The following HERC2 variants were observed in gnomAD, a reference collection of about 807,000 sequenced individuals.
The protein encoded by HERC2 is HECT and RLD domain containing E3 ubiquitin protein ligase 2.
Under a neutral mutation model 537.7 loss-of-function variants are expected in HERC2, and 102 were observed. The observed-to-expected ratio is 0.19, with a 90% CI of 0.16 to 0.22. The LOEUF (loss-of-function observed/expected upper bound fraction) is 0.22. Among genes scored for constraint, HERC2 ranks in the 10% least tolerant of loss-of-function variants. HERC2 has a pLI of 1.00. For synonymous variants in HERC2, 2,224 were observed against 2,466.2 expected (o/e 0.90, Z 2.91); for missense variants, 4,236 against 6,198.2 (o/e 0.68, Z 10.63).
intron 43 of HERC2, among the ~76,000 whole-genome samples, chr15:28,211,453 C>A (rs1221649893): frequency 6.6e-6 from 1 of 151,992 alleles, no homozygotes; most frequent in Non-Finnish European, 1.5e-5. Flanking sequence ...AAATGTTCCC[C>A]AAGTTGCTGA....
At chr15:28,190,180 T>TC (rs1896716826) in intron 55 of HERC2, 1 of 147,620 alleles carries the variant, frequency 6.8e-6, no homozygotes, top group African/African-American at 2.5e-5. Context: ...GGCTAATTTT[T>TC]TTTTTTTTTT....
At chr15:28,166,986 T>C (rs1411020522) in intron 68 of HERC2, among the ~76,000 whole-genome samples, 2 of 152,224 alleles carry the variant, frequency 1.3e-5, no homozygotes, top group Non-Finnish European at 2.9e-5. Flanking sequence ...AGCTGTCTCT[T>C]GCAAAAGAAT....
intron 4 of HERC2, among the ~76,000 whole-genome samples, chr15:28,291,416 T>C (rs923439903): frequency 6.6e-6 from 1 of 152,016 alleles, no homozygotes; most frequent in African/African-American, 2.4e-5. Context: ...TATATGTACA[T>C]TTACATATGT....
At chr15:28,161,382 C>T (rs1332051431) in intron 69 of HERC2, among the ~76,000 whole-genome samples, 2 of 152,176 alleles carry the variant, frequency 1.3e-5, no homozygotes, top group African/African-American at 4.8e-5. Context: ...GTAAGACTTT[C>T]CTCCACACAA....
At chr15:28,116,219 TTTC>T (rs1888230573) in intron 88 of HERC2, among the ~76,000 whole-genome samples, 1 of 95,324 alleles carries the variant, frequency 1.0e-5, no homozygotes, top group South Asian at 4.3e-4. Context: ...GTCTTTTCTT[TTTC>T]TTTTTTTTTT....
In HERC2 at chr15:28,269,449, A is replaced by G; in HGVS notation, c.1258-13T>C. On this transcript the variant is annotated splice_polypyrimidine_tract_variant and intron_variant, in intron 10 of 92. Coordinates refer to ENST00000261609, the MANE Select transcript of HERC2 (RefSeq NM_004667.6). ...CTTGCAATGATCCCTGTAAGATAAG[A>G]AAGTAAACATTTCCTTTAACAACAA... is the stretch of plus-strand genomic sequence containing the variant. The G allele has an allele frequency of 6.3e-7, 1 of 1,588,284 alleles. No homozygotes were observed. Among genetic ancestry groups the G allele is most frequent in the Non-Finnish European group, 8.6e-7 (1 of 1,159,158 alleles).
At chr15:28,317,541 A>G (rs1258844499) in intron 2 of HERC2, among the ~76,000 whole-genome samples, 1 of 152,230 alleles carries the variant, frequency 6.6e-6, no homozygotes, top group African/African-American at 2.4e-5. Context: ...TGAGGGCATT[A>G]TGCTGAGTAA....
At position 28,265,726 on chromosome 15, in the gene HERC2, T is replaced by A; in HGVS notation, c.1762A>T (p.Ser588Cys). The change falls in exon 14 of 93, where the codon AGT becomes TGT. Residue 588 changes from serine to cysteine, a missense_variant. Ser to Cys is a moderately radical substitution (Grantham distance 112, BLOSUM62 -1). Transcript: ENST00000261609. The surrounding 1 kb of genome is among the most constrained non-coding windows in gnomAD (Gnocchi z 4.0). ...AGCATCGGAATGGCCTCGTCCTCACTGGAGCCTTCAAACAGATAGGACGGC... is the reference window on the plus strand; with the variant it reads ...AGCATCGGAATGGCCTCGTCCTCACAGGAGCCTTCAAACAGATAGGACGGC... Reference protein sequence around the residue: ...GNYGRLGHGSSEDEAIPMLVA... With the variant: ...GNYGRLGHGSCEDEAIPMLVA... 6.2e-7 allele frequency: 1 copy of A among 1,614,116 alleles called. No individual in the cohort carries two copies. The highest frequency in any genetic ancestry group is 8.5e-7 in the Non-Finnish European group (1 of 1,179,998).
At position 28,255,853 on chromosome 15, in the gene HERC2, T is replaced by A; in HGVS notation, c.2871+19A>T. 6.3e-7 allele frequency: 1 copy of A among 1,596,548 alleles called. No individual in the cohort carries two copies. ...GATCTCAGTGCACCACCAGGTCACG[T>A]GTGCCTCCAAAGCCATACCTGGATC... On this transcript the variant is annotated intron_variant, in intron 19 of 92. Transcript: ENST00000261609.
intron 23 of HERC2, among the ~76,000 whole-genome samples, chr15:28,239,395 C>CA (rs1352552604): frequency 3.3e-5 from 5 of 151,856 alleles, no homozygotes; most frequent in African/African-American, 1.2e-4. Flanking sequence ...GTCACCTATG[C>CA]AAGTGCTAGG....
At chr15:28,315,531 A>G in intron 2 of HERC2, 1 of 412,696 alleles carries the variant, frequency 2.4e-6, no homozygotes, top group Non-Finnish European at 4.8e-6. Flanking sequence ...GGCACGGTTC[A>G]TGCTTGTACT....
At chr15:28,257,350 G>T in intron 16 of HERC2, 89 bp from the exon 17 acceptor site, 1 of 1,052,398 alleles carries the variant, frequency 9.5e-7, no homozygotes, top group Non-Finnish European at 1.4e-6. Context: ...TGATGGAGCT[G>T]CCTTATACTA....
At chr15:28,293,265 G>C (rs2346039) in intron 3 of HERC2, among the ~76,000 whole-genome samples, 10,473 of 152,126 alleles carry the variant, frequency 0.069, 881 homozygotes, top group East Asian at 0.42. Context: ...AAGCCATGGC[G>C]GGTGGATCAC....
At chr15:28,304,985 G>T (rs1220734162) in intron 2 of HERC2, among the ~76,000 whole-genome samples, 5 of 149,128 alleles carry the variant, frequency 3.4e-5, no homozygotes, top group Non-Finnish European at 7.4e-5. Context: ...TTATTCTTGC[G>T]ATAGTTTACT....
intron 59 of HERC2, among the ~76,000 whole-genome samples, chr15:28,178,005 C>T (rs1279642098): frequency 6.6e-6 from 1 of 152,188 alleles, no homozygotes; most frequent in Non-Finnish European, 1.5e-5. Context: ...ATACAACCTG[C>T]CTCAGGATTA....
chr15:28,281,777 C>T (rs1230056082), intron 4 of HERC2, among the ~76,000 whole-genome samples: 3 of 152,204 alleles, frequency 2.0e-5, no homozygotes, highest in Non-Finnish European at 4.4e-5. Flanking sequence ...AGTGCCCCTG[C>T]CCTTCTCAGG....
At chr15:28,129,454 C>T (rs1255698973) in intron 83 of HERC2, among the ~76,000 whole-genome samples, 1 of 152,228 alleles carries the variant, frequency 6.6e-6, no homozygotes, top group Non-Finnish European at 1.5e-5. Flanking sequence ...TGGCGCGTAC[C>T]AAGTTCCAGA....
chr15:28,131,539 A>G (rs1416203276), intron 81 of HERC2, among the ~76,000 whole-genome samples: 2 of 152,190 alleles, frequency 1.3e-5, no homozygotes, highest in Admixed American at 1.3e-4. Context: ...TCACAAGAGC[A>G]AAAGACATTC....
chr15:28,238,492 A>G lies in HERC2; in HGVS notation c.3748+110T>C, dbSNP rs1025381255. The G allele has an allele frequency of 1.0e-5, 9 of 864,590 alleles. No individual in the cohort carries two copies. In the Admixed American group the frequency reaches 1.1e-4, roughly 10 times the overall value. 53.6% of individuals were successfully genotyped at this position (864,590 alleles called of 1,614,324 possible). A position where few individuals can be genotyped will look rare whatever the true frequency, so the allele number is the denominator to read the frequency against. ...GACATCGAAGCCACAGATACATTAAAATATGTGGGGGCTGGCACAAAACTA... is the reference window on the plus strand; with the variant it reads ...GACATCGAAGCCACAGATACATTAAGATATGTGGGGGCTGGCACAAAACTA... On this transcript the variant is annotated intron_variant, in intron 24 of 92. Transcript: ENST00000261609.
Sources: gnomAD v4.1 joint callset for allele counts (sites outside exome capture counted in the v4.1 genomes callset) on GRCh38, gnomAD v4.1.1 for gene constraint, Gnocchi (gnomAD v3.1) non-coding constraint, MANE v1.5 for transcripts, NCBI Gene and HGNC (gene_info 2026-07-23, HGNC 2026-07-21) for gene names.